PLCB4: variants seen among roughly 807,000 people sequenced by gnomAD.
The protein encoded by PLCB4 is 1-phosphatidylinositol 4,5-bisphosphate phosphodiesterase beta-4.
A neutral mutation model predicts 178.8 loss-of-function variants in PLCB4; 77 were observed. That is an observed-to-expected ratio of 0.43 (90% confidence interval 0.36 to 0.52). The LOEUF is 0.52. PLCB4 is among the 20% of genes least tolerant of loss of function. PLCB4 has a pLI of 0.00. For synonymous variants in PLCB4, 496 were observed against 490.8 expected (o/e 1.01, Z -0.14); for missense variants, 1,024 against 1,453.4 (o/e 0.70, Z 4.80).
At chr20:9,428,899 A>G (rs1050861509) in intron 28 of PLCB4, among the ~76,000 whole-genome samples, 1 of 152,158 alleles carries the variant, frequency 6.6e-6, no homozygotes, top group Non-Finnish European at 1.5e-5. Context: ...AGTCTGTACT[A>G]AGGAATTGCT....
At position 9,189,637 on chromosome 20, in the gene PLCB4, G is replaced by A. The variant is rs536832334; in HGVS notation, c.-78-27753G>A. ...GCTGTAACAGAATACCACAGACTGGGCGATTTATAAACAACAGAAAATTAT... is the reference window on the plus strand; with the variant it reads ...GCTGTAACAGAATACCACAGACTGGACGATTTATAAACAACAGAAAATTAT... On this transcript the variant is annotated intron_variant, in intron 2 of 39. Transcript: ENST00000378473. Among the ~76,000 whole-genome samples, 4 of 152,274 alleles carry A rather than the reference G, an allele frequency of 2.6e-5. No homozygotes were observed. The South Asian group carries it at 8.3e-4, about 32-fold the overall frequency.
At chr20:9,177,310 T>A (rs1037430198) in intron 2 of PLCB4, among the ~76,000 whole-genome samples, 19 of 152,078 alleles carry the variant, frequency 1.2e-4, no homozygotes, top group African/African-American at 4.6e-4. Flanking sequence ...GAATAAACGA[T>A]GTGGTTGAAT....
chr20:9,317,836 C>T (rs1438445677), intron 4 of PLCB4, among the ~76,000 whole-genome samples: 5 of 152,196 alleles, frequency 3.3e-5, no homozygotes, highest in Non-Finnish European at 7.3e-5. Flanking sequence ...TGGTGGCTCA[C>T]GCCTGTAATC....
rs1234480149 is a variant in PLCB4 at position 9,220,885 on chromosome 20, C to A, written c.-16+3433C>A. The stretch of plus-strand genomic sequence containing the variant: ...TAGGAATGAGGATCCTTCTTATTAC[C>A]CTGTAAATACTTTAGTTATTTCAAA... On this transcript the variant is annotated intron_variant, in intron 3 of 39. Coordinates refer to ENST00000378473, the MANE Select transcript of PLCB4 (RefSeq NM_001377142.1). Among the ~76,000 whole-genome samples the A allele has an allele frequency of 2.0e-5, 3 of 152,092 alleles. No homozygotes were observed. In the East Asian group the frequency reaches 5.8e-4, roughly 29 times the overall value.
At chr20:9,417,685 A>G (rs116752523) in intron 25 of PLCB4, among the ~76,000 whole-genome samples, 40 of 152,284 alleles carry the variant, frequency 2.6e-4, no homozygotes, top group African/African-American at 9.4e-4. Context: ...TCTTCTATGA[A>G]TATGTCTTTC....
Position 9,395,424 on chromosome 20 carries a change from TTC to T in PLCB4, c.1415-93_1415-92del, listed in dbSNP as rs2038495810. On this transcript the variant is annotated intron_variant, in intron 18 of 39. Transcript: ENST00000378473. ...CCTTGGTGCCTGAACATTCTATTTC[TTC>T]TCTCTTTTCACGTCCTCCTCAGTGT... 1.2e-5 allele frequency: 9 copies of T among 776,690 alleles called. No individual in the cohort carries two copies. The Admixed American group carries it at 1.7e-4, about 14-fold the overall frequency. The allele number at this position is 776,690 out of a possible 1,614,324, so 48.1% of individuals were successfully genotyped here.
At chr20:9,149,870 C>A (rs6140876) in intron 2 of PLCB4, among the ~76,000 whole-genome samples, 1 of 152,074 alleles carries the variant, frequency 6.6e-6, no homozygotes, top group Non-Finnish European at 1.5e-5. Context: ...GGGGAAAGGA[C>A]GGATTCAGGA....
intron 30 of PLCB4, among the ~76,000 whole-genome samples, chr20:9,439,651 A>G (rs2041992865): frequency 6.6e-6 from 1 of 152,188 alleles, no homozygotes; most frequent in Non-Finnish European, 1.5e-5. Flanking sequence ...GGTCTGCCAC[A>G]TAGCACACAG....
At chr20:9,412,974 T>C (rs1267301667) in intron 25 of PLCB4, among the ~76,000 whole-genome samples, 1 of 152,256 alleles carries the variant, frequency 6.6e-6, no homozygotes, top group Admixed American at 6.5e-5. Flanking sequence ...TGAATGAGTG[T>C]ACGAAAGTAC....
chr20:9,442,035 A>G (rs953143747), intron 30 of PLCB4, among the ~76,000 whole-genome samples: 2 of 152,174 alleles, frequency 1.3e-5, no homozygotes, highest in African/African-American at 4.8e-5. Flanking sequence ...CAAAAACTTT[A>G]TGTAGTGAAA....
At chr20:9,369,221 T>G (rs1026643723) in intron 9 of PLCB4, among the ~76,000 whole-genome samples, 1 of 152,172 alleles carries the variant, frequency 6.6e-6, no homozygotes, top group African/African-American at 2.4e-5. Context: ...TCAGTTTTCA[T>G]CTCGTTATGC....
At chr20:9,232,326 G>T (rs1021158089) in intron 3 of PLCB4, among the ~76,000 whole-genome samples, 5 of 152,080 alleles carry the variant, frequency 3.3e-5, no homozygotes, top group African/African-American at 1.2e-4. Flanking sequence ...TTCTTGTAAT[G>T]CAAGGCATCA....
chr20:9,423,104 G>C (rs74652578), intron 27 of PLCB4, among the ~76,000 whole-genome samples: 5,682 of 152,286 alleles, frequency 0.037, 281 homozygotes, highest in East Asian at 0.24. Context: ...GGGATAGCAG[G>C]AGTAGGTGTC....
intron 2 of PLCB4, among the ~76,000 whole-genome samples, chr20:9,198,911 A>G (rs527291973): frequency 3.3e-5 from 5 of 152,308 alleles, no homozygotes; most frequent in South Asian, 4.1e-4. Context: ...AAGGCCACCT[A>G]TGAAAATAGT....
intron 3 of PLCB4, among the ~76,000 whole-genome samples, chr20:9,223,333 C>T (rs561986258): frequency 1.7e-4 from 26 of 152,238 alleles, no homozygotes; most frequent in Middle Eastern, 3.4e-3. Context: ...ATAGTATATA[C>T]GTTGGGACCT....
chr20:9,315,327 C>T (rs1483285972), intron 4 of PLCB4, among the ~76,000 whole-genome samples: 1 of 152,150 alleles, frequency 6.6e-6, no homozygotes, highest in Non-Finnish European at 1.5e-5. Context: ...ATTTTAAAGA[C>T]ATTACAACTT....
chr20:9,404,145 G>T (rs554431041), intron 20 of PLCB4, among the ~76,000 whole-genome samples: 15 of 152,180 alleles, frequency 9.9e-5, no homozygotes, highest in South Asian at 6.2e-4. Flanking sequence ...GAGAGGAAGA[G>T]ATTAGTTTTG....
At chr20:9,081,961 T>C (rs577401364) in intron 1 of PLCB4, among the ~76,000 whole-genome samples, 4 of 151,944 alleles carry the variant, frequency 2.6e-5, no homozygotes, top group African/African-American at 9.7e-5. Flanking sequence ...GTAATCAGTA[T>C]ACTAGATCCA....
chr20:9,116,366 T>C (rs1022086365), intron 2 of PLCB4, among the ~76,000 whole-genome samples: 23 of 152,154 alleles, frequency 1.5e-4, no homozygotes, highest in Non-Finnish European at 2.9e-4. Flanking sequence ...TGTGTGCACA[T>C]ATATATACAT....
Sources: allele counts gnomAD v4.1 joint callset (sites outside exome capture counted in the v4.1 genomes callset), GRCh38; gene constraint gnomAD v4.1.1; transcripts MANE v1.5; gene names NCBI Gene and HGNC (gene_info 2026-07-23, HGNC 2026-07-21).